Variants in RELN observed in about 807,000 individuals in gnomAD.
The protein encoded by RELN is reelin.
RELN carries 108 observed loss-of-function variants against 427.6 expected under a neutral mutation model. The observed-to-expected ratio is 0.25, with a 90% CI of 0.22 to 0.30. RELN has a LOEUF of 0.30. Among genes scored for constraint, RELN ranks in the 10% least tolerant of loss-of-function variants. The pLI, the probability that RELN is intolerant of heterozygous loss-of-function variation, is 1.00. For missense variants in RELN, 3,715 were observed against 4,302.8 expected, an observed-to-expected ratio of 0.86 and a Z score of 3.82; for synonymous variants, 1,524 against 1,513.4, an observed-to-expected ratio of 1.01 and a Z score of -0.16.
At chr7:103,794,367 C>T (rs1792245583) in intron 3 of RELN, among the ~76,000 whole-genome samples, 1 of 152,160 alleles carries the variant, frequency 6.6e-6, no homozygotes, top group South Asian at 2.1e-4. Flanking sequence ...AACTTCCATT[C>T]CTGTCACAAC....
At chr7:103,757,516 CAT>C in intron 4 of RELN, among the ~76,000 whole-genome samples, 1 of 152,224 alleles carries the variant, frequency 6.6e-6, no homozygotes, top group Non-Finnish European at 1.5e-5. Context: ...CTAGCAACGA[CAT>C]AAAATTGTCA....
intron 29 of RELN, 94 bp downstream of exon 29, chr7:103,575,454 C>T: frequency 7.4e-7 from 1 of 1,352,322 alleles, no homozygotes; most frequent in Non-Finnish European, 1.1e-6. Context: ...GGAATAAATT[C>T]AGAATTTATT....
At chr7:103,717,958 A>G (rs1296631222) in intron 8 of RELN, among the ~76,000 whole-genome samples, 1 of 152,178 alleles carries the variant, frequency 6.6e-6, no homozygotes, top group Non-Finnish European at 1.5e-5. Context: ...TAAGATGTTT[A>G]TGAATTAGGC....
In RELN at chr7:103,973,725, T is replaced by A. The variant is rs73183800; in HGVS notation, c.226+15406A>T. Among the ~76,000 whole-genome samples the A allele has an allele frequency of 5.3e-4, 81 of 152,190 alleles. 1 individual carries two copies. The highest frequency in any genetic ancestry group is 1.1e-3 in the Non-Finnish European group (73 of 68,008). ...CCATGAAAATGATGTTTTTGAAAAA[T>A]GTTGATATCAAGAGCACATAATGTT... On this transcript the variant is annotated intron_variant, in intron 1 of 64. Coordinates refer to ENST00000428762, the MANE Select transcript of RELN (RefSeq NM_005045.4).
intron 6 of RELN, among the ~76,000 whole-genome samples, chr7:103,731,686 G>T (rs1055616784): frequency 5.9e-5 from 9 of 151,958 alleles, no homozygotes; most frequent in Non-Finnish European, 8.8e-5. Context: ...AAAAGCCTGG[G>T]GGCTATTAAT....
At chr7:103,865,083 G>A (rs1794163925) in intron 2 of RELN, among the ~76,000 whole-genome samples, 2 of 141,242 alleles carry the variant, frequency 1.4e-5, no homozygotes, top group East Asian at 2.1e-4. Context: ...GCAATGAGCC[G>A]AGGTCATGCC....
rs1363286404 is a variant in RELN at position 103,523,500 on chromosome 7, G to A, written c.7381C>T (p.Pro2461Ser). Residue 2461 changes from proline to serine, a missense_variant, in exon 47 of 65, where the codon CCA becomes TCA. This residue lies in a region of RELN where 1,310 missense variants were observed against 1,643.0 expected (regional missense o/e 0.80). Coordinates refer to ENST00000428762, the MANE Select transcript of RELN (RefSeq NM_005045.4). ...GTCTGCTGCTTGTCAAAAGGAGCTG[G>A]TTGATGCCAACGGAAACGAGTGGCT... ...SQATRFRWHQ[P>S]APFDKQQTWA... The A allele has an allele frequency of 6.2e-7, 1 of 1,614,022 alleles. No homozygotes were observed. The highest frequency in any genetic ancestry group is 2.2e-5 in the East Asian group (1 of 44,862).
In RELN at chr7:103,922,439, G is replaced by A. The variant is rs144183608; in HGVS notation, c.227-5254C>T. Among the ~76,000 whole-genome samples the A allele has an allele frequency of 3.2e-4, 49 of 152,098 alleles. No homozygotes were observed. In the East Asian group the frequency reaches 9.3e-3, roughly 29 times the overall value. Reference sequence around the variant, plus strand: ...ATTATCCTCACTCTTAAGTTACACTGCCATTTCCTCAAATAAAATATAAGG... The same window carrying A: ...ATTATCCTCACTCTTAAGTTACACTACCATTTCCTCAAATAAAATATAAGG... On this transcript the variant is annotated intron_variant, in intron 1 of 64. Transcript: ENST00000428762.
In RELN at chr7:103,761,647, G is replaced by C. The variant is rs181554191; in HGVS notation, c.545-8433C>G. ...TTTTTTTGGGGGGGGGTAGAGACAA[G>C]ATCTTACCACATTGCCCAGGCTGGT... On this transcript the variant is annotated intron_variant, in intron 4 of 64. Transcript: ENST00000428762. 2.9e-3 allele frequency among the ~76,000 whole-genome samples: 447 copies of C among 151,736 alleles called. 2 individuals are homozygous for C. Among genetic ancestry groups the C allele is most frequent in the South Asian group, 0.029 (138 of 4,782 alleles).
chr7:103,803,586 T>C lies in RELN; in HGVS notation c.474-26959A>G, dbSNP rs150560059. Among the ~76,000 whole-genome samples the C allele has an allele frequency of 2.2e-3, 328 of 152,250 alleles. 2 individuals are homozygous for C. Among genetic ancestry groups the C allele is most frequent in the African/African-American group, 7.5e-3 (313 of 41,576 alleles). ...TGGCACTTTCTAAGACTTTATGTTA[T>C]ACTCTATGGGGGATAAATACCCAGT... On this transcript the variant is annotated intron_variant, in intron 3 of 64. Coordinates refer to ENST00000428762, the MANE Select transcript of RELN (RefSeq NM_005045.4).
rs1791611584 is a variant in RELN at position 103,773,100 on chromosome 7, T to TTCCTTCCTTCC, written c.544+3456_544+3457insGGAAGGAAGGA. 3.4e-4 allele frequency among the ~76,000 whole-genome samples: 44 copies of TTCCTTCCTTCC among 128,590 alleles called. 1 individual carries two copies. Among genetic ancestry groups the TTCCTTCCTTCC allele is most frequent in the African/African-American group, 1.2e-3 (40 of 32,640 alleles). 84.4% of individuals were successfully genotyped at this position (128,590 alleles called of 152,430 possible). ...AAGGAGGAGATAGATGGTTCTCCTC[T>TTCCTTCCTTCC]TTTCTTTCTTTCTTTCTTTCTTTCT... On this transcript the variant is annotated intron_variant, in intron 4 of 64. Transcript: ENST00000428762.
chr7:103,917,670 G>T (rs1357159419), intron 1 of RELN, among the ~76,000 whole-genome samples: 1 of 151,726 alleles, frequency 6.6e-6, no homozygotes, highest in African/African-American at 2.4e-5. Context: ...TGAGTTCCCT[G>T]AAGTTTTCCA....
chr7:103,566,488 T>G, intron 32 of RELN, 76 bp from the exon 33 acceptor site: 1 of 1,591,142 alleles, frequency 6.3e-7, no homozygotes, highest in Non-Finnish European at 8.6e-7. Context: ...ACTGTGATTT[T>G]AAATCAAATT....
chr7:103,522,145 T>C lies in RELN; in HGVS notation c.7545A>G (p.Pro2515=). The C allele has an allele frequency of 2.5e-6, 4 of 1,614,132 alleles. No homozygotes were observed. Among genetic ancestry groups the C allele is most frequent in the Non-Finnish European group, 3.4e-6 (4 of 1,180,038 alleles). The change falls in exon 48 of 65, where the codon CCA becomes CCG. Residue 2515 remains proline, a synonymous_variant. Transcript: ENST00000428762. The stretch of plus-strand genomic sequence containing the variant: ...GATTGAAGTTGTCTTTGAGTTGGGT[T>C]GGAAGAGAGGTCTCGGGGTCATCAC... The part of the protein sequence containing the change: ...LYCDDPETSL[P]TQLKDNFNRA...
chr7:103,884,431 C>T (rs1479245605), intron 2 of RELN, among the ~76,000 whole-genome samples: 5 of 152,164 alleles, frequency 3.3e-5, no homozygotes, highest in South Asian at 2.1e-4. Flanking sequence ...AACTAACAAA[C>T]GGGATCTAAT....
At chr7:103,904,415 C>A (rs1795149320) in intron 2 of RELN, among the ~76,000 whole-genome samples, 2 of 152,044 alleles carry the variant, frequency 1.3e-5, no homozygotes, top group South Asian at 4.1e-4. Flanking sequence ...GTTCTAGATC[C>A]TTAGGGGATC....
At chr7:103,849,950 A>T (rs1356151486) in intron 2 of RELN, among the ~76,000 whole-genome samples, 1 of 152,172 alleles carries the variant, frequency 6.6e-6, no homozygotes, top group African/African-American at 2.4e-5. Context: ...ATCATAAATC[A>T]TCTCTTTCAA....
At chr7:103,841,479 A>T (rs1247015401) in intron 2 of RELN, among the ~76,000 whole-genome samples, 1 of 152,122 alleles carries the variant, frequency 6.6e-6, no homozygotes, top group Non-Finnish European at 1.5e-5. Flanking sequence ...TTGACTCACA[A>T]TGTCTTTAAT....
chr7:103,557,241 T>A, intron 37 of RELN, 82 bp from the exon 38 acceptor site: 1 of 1,159,186 alleles, frequency 8.6e-7, no homozygotes, highest in Middle Eastern at 2.3e-4. Context: ...TCTTTAGGCA[T>A]CAATGCATAA....
Sources: gnomAD v4.1 joint callset for allele counts (sites outside exome capture counted in the v4.1 genomes callset) on GRCh38, gnomAD v4.1.1 for gene constraint, gnomAD v4.1.1 regional missense constraint, MANE v1.5 for transcripts, NCBI Gene and HGNC (gene_info 2026-07-23, HGNC 2026-07-21) for gene names.